Variants in ANKS1B observed in about 807,000 individuals in gnomAD.
ANKS1B encodes ankyrin repeat and sterile alpha motif domain-containing protein 1B.
Under a neutral mutation model 148.3 loss-of-function variants are expected in ANKS1B, and 36 were observed. The observed-to-expected ratio is 0.24, with a 90% CI of 0.19 to 0.32. The LOEUF is 0.32. Ranked by LOEUF, ANKS1B falls within the 10% of genes least tolerant of loss-of-function variation. ANKS1B has a pLI of 1.00. For missense variants in ANKS1B, 1,157 were observed against 1,542.6 expected (o/e 0.75, Z 4.19); for synonymous variants, 542 against 560.8 (o/e 0.97, Z 0.47).
chr12:99,473,324 T>A (rs2096270522), intron 10 of ANKS1B, among the ~76,000 whole-genome samples: 1 of 152,048 alleles, frequency 6.6e-6, no homozygotes, highest in African/African-American at 2.4e-5. Context: ...TAGTGTTCCA[T>A]TTTATTAAAA....
intron 8 of ANKS1B, among the ~76,000 whole-genome samples, chr12:99,662,896 C>T (rs996730266): frequency 7.9e-5 from 12 of 152,080 alleles, no homozygotes; most frequent in African/African-American, 2.4e-4. Context: ...TCTATTTTTG[C>T]CTGCAGACTG....
At chr12:99,206,465 T>TA (rs1218886797) in intron 14 of ANKS1B, among the ~76,000 whole-genome samples, 12 of 151,672 alleles carry the variant, frequency 7.9e-5, no homozygotes, top group Admixed American at 7.9e-4. Flanking sequence ...CAGAAGTTTC[T>TA]AAAAAGATTT....
chr12:99,289,730 G>T (rs1039654054), intron 12 of ANKS1B, among the ~76,000 whole-genome samples: 2 of 151,762 alleles, frequency 1.3e-5, no homozygotes, highest in African/African-American at 4.8e-5. Flanking sequence ...AAATGAAAAT[G>T]GAAACACAAC....
intron 10 of ANKS1B, among the ~76,000 whole-genome samples, chr12:99,495,309 C>T (rs190352454): frequency 6.6e-6 from 1 of 151,090 alleles, no homozygotes; most frequent in South Asian, 2.1e-4. Context: ...TATTCACACA[C>T]AGTGGAAACA....
chr12:99,250,154 A>T (rs949914075), intron 12 of ANKS1B, among the ~76,000 whole-genome samples: 7 of 152,184 alleles, frequency 4.6e-5, no homozygotes, highest in Non-Finnish European at 1.5e-5. Flanking sequence ...AGCAGGTATA[A>T]GCAGGTTTAG....
intron 1 of ANKS1B, among the ~76,000 whole-genome samples, chr12:99,902,290 C>T (rs377126906): frequency 3.3e-5 from 5 of 151,926 alleles, no homozygotes; most frequent in African/African-American, 1.2e-4. Flanking sequence ...AGAGGGAAAG[C>T]CAGAGGAAGA....
chr12:99,361,092 A>C (rs1317000429), intron 12 of ANKS1B, among the ~76,000 whole-genome samples: 1 of 152,062 alleles, frequency 6.6e-6, no homozygotes, highest in Non-Finnish European at 1.5e-5. Flanking sequence ...CAACAACTTA[A>C]TTGTGCATTT....
At chr12:98,964,373 A>G (rs1269634665) in intron 17 of ANKS1B, among the ~76,000 whole-genome samples, 1 of 152,224 alleles carries the variant, frequency 6.6e-6, no homozygotes, top group Non-Finnish European at 1.5e-5. Context: ...TACAACCACT[A>G]TGGAGAACAG....
chr12:99,957,826 A>G (rs929317118), intron 1 of ANKS1B, among the ~76,000 whole-genome samples: 1 of 152,218 alleles, frequency 6.6e-6, no homozygotes, highest in African/African-American at 2.4e-5. Context: ...ATCATGTCCC[A>G]TTAGCATGTG....
At chr12:99,067,336 G>A (rs1293378639) in intron 16 of ANKS1B, among the ~76,000 whole-genome samples, 2 of 152,178 alleles carry the variant, frequency 1.3e-5, no homozygotes, top group African/African-American at 4.8e-5. Flanking sequence ...TGCCCTTGAT[G>A]GGAAGACACT....
intron 1 of ANKS1B, among the ~76,000 whole-genome samples, chr12:99,862,944 C>T (rs977614925): frequency 6.6e-6 from 1 of 152,164 alleles, no homozygotes; most frequent in Non-Finnish European, 1.5e-5. Flanking sequence ...CCCCAGGGAG[C>T]TCACCCAGTA....
intron 17 of ANKS1B, among the ~76,000 whole-genome samples, chr12:99,024,633 T>C (rs548262800): frequency 6.6e-6 from 1 of 152,348 alleles, no homozygotes; most frequent in East Asian, 1.9e-4. Flanking sequence ...TTGTATTTTA[T>C]ATGTTTTAAA....
In ANKS1B at chr12:98,829,916, A is replaced by G. The variant is rs1296478941; in HGVS notation, c.2887-563T>C. Among the ~76,000 whole-genome samples the G allele has an allele frequency of 6.6e-6, 1 of 152,202 alleles. No individual in the cohort carries two copies. Among genetic ancestry groups the G allele is most frequent in the Non-Finnish European group, 1.5e-5 (1 of 68,032 alleles). ...ATCCAAGGGAAACGGGTCAGGAGGA[A>G]GATAGGGGGCATAGACAGCTCAGCT... On this transcript the variant is annotated intron_variant, in intron 18 of 26. Transcript: ENST00000683438. This position sits in a 1 kb window ranked among gnomAD's most constrained non-coding sequence, Gnocchi z 5.2.
At chr12:99,879,368 A>G (rs1206566025) in intron 1 of ANKS1B, among the ~76,000 whole-genome samples, 1 of 152,226 alleles carries the variant, frequency 6.6e-6, no homozygotes, top group Non-Finnish European at 1.5e-5. Context: ...GCAGTCTCTC[A>G]GGTTCAGTTC....
At chr12:99,356,710 GC>G (rs1435941487) in intron 12 of ANKS1B, among the ~76,000 whole-genome samples, 1 of 152,214 alleles carries the variant, frequency 6.6e-6, no homozygotes, top group East Asian at 1.9e-4. Context: ...GCAGATTGAT[GC>G]CTAAGCTATC....
chr12:99,709,920 A>G (rs1291681503), intron 8 of ANKS1B, among the ~76,000 whole-genome samples: 4 of 152,138 alleles, frequency 2.6e-5, no homozygotes, highest in Non-Finnish European at 4.4e-5. Context: ...CAGAGTATTC[A>G]TGGTATCACT....
chr12:99,559,115 C>T (rs914834064), intron 9 of ANKS1B, among the ~76,000 whole-genome samples: 6 of 152,164 alleles, frequency 3.9e-5, no homozygotes, highest in Non-Finnish European at 8.8e-5. Flanking sequence ...TGAATCCTCT[C>T]TCCATCCACT....
At chr12:99,307,301 T>A (rs73143016) in intron 12 of ANKS1B, among the ~76,000 whole-genome samples, 1 of 151,938 alleles carries the variant, frequency 6.6e-6, no homozygotes. Flanking sequence ...ATGTAGCCAG[T>A]ATGCATATCT....
At chr12:98,974,364 G>A (rs1217666864) in intron 17 of ANKS1B, among the ~76,000 whole-genome samples, 1 of 152,162 alleles carries the variant, frequency 6.6e-6, no homozygotes, top group Non-Finnish European at 1.5e-5. Context: ...TTATTCACAA[G>A]TAATACGAAT....
Sources: gnomAD v4.1 joint callset for allele counts (sites outside exome capture counted in the v4.1 genomes callset) on GRCh38, gnomAD v4.1.1 for gene constraint, Gnocchi (gnomAD v3.1) non-coding constraint, MANE v1.5 for transcripts, NCBI Gene and HGNC (gene_info 2026-07-23, HGNC 2026-07-21) for gene names.